FOXP2: variants seen among roughly 807,000 people sequenced by gnomAD.
FOXP2 encodes forkhead box protein P2.
A neutral mutation model predicts 115.8 loss-of-function variants in FOXP2; 12 were observed. That is an observed-to-expected ratio of 0.10 (90% CI 0.07 to 0.17). The LOEUF (loss-of-function observed/expected upper bound fraction) is 0.17. Ranked by LOEUF, FOXP2 falls within the 10% of genes least tolerant of loss-of-function variation. The pLI is 1.00. For synonymous variants in FOXP2, 328 were observed against 297.7 expected (o/e 1.10, Z -1.05); for missense variants, 629 against 843.5 (o/e 0.75, Z 3.15).
intron 1 of FOXP2, among the ~76,000 whole-genome samples, chr7:114,093,630 C>CA (rs1562961812): frequency 6.9e-6 from 1 of 144,656 alleles, no homozygotes; most frequent in African/African-American, 2.5e-5. Flanking sequence ...TTACTTTTTA[C>CA]TTTTTTTTTT....
At chr7:114,599,965 G>A (rs1563025647) in intron 3 of FOXP2, among the ~76,000 whole-genome samples, 2 of 152,054 alleles carry the variant, frequency 1.3e-5, no homozygotes, top group African/African-American at 4.8e-5. Context: ...AGTTTCCCCT[G>A]TTACTGGCAT....
intron 1 of FOXP2, among the ~76,000 whole-genome samples, chr7:114,146,034 G>T (rs1033634485): frequency 1.3e-5 from 2 of 152,078 alleles, no homozygotes; most frequent in African/African-American, 4.8e-5. Context: ...AGAGTGGTGG[G>T]TTTCATTTGC....
intron 1 of FOXP2, among the ~76,000 whole-genome samples, chr7:114,240,756 T>C (rs1265737930): frequency 6.6e-6 from 1 of 152,118 alleles, no homozygotes; most frequent in Non-Finnish European, 1.5e-5. Flanking sequence ...ATCACTTTTA[T>C]CTTATTCATT....
intron 4 of FOXP2, 95 bp downstream of exon 4, chr7:114,628,772 C>A: frequency 6.8e-7 from 1 of 1,478,168 alleles, no homozygotes; most frequent in Non-Finnish European, 9.4e-7. Context: ...ATTCAGTCTC[C>A]ATTTGAAAGG....
At chr7:114,367,857 T>C (rs946859156) in intron 2 of FOXP2, among the ~76,000 whole-genome samples, 2 of 152,218 alleles carry the variant, frequency 1.3e-5, no homozygotes, top group Non-Finnish European at 2.9e-5. Flanking sequence ...TAATTCATTT[T>C]CCATTTTTAT....
intron 2 of FOXP2, among the ~76,000 whole-genome samples, chr7:114,329,840 C>A (rs1323152513): frequency 6.6e-6 from 1 of 151,836 alleles, no homozygotes; most frequent in African/African-American, 2.4e-5. Context: ...CCATACCTGG[C>A]TAATTTTTGT....
At chr7:114,542,798 T>G (rs991702428) in intron 3 of FOXP2, among the ~76,000 whole-genome samples, 14 of 151,280 alleles carry the variant, frequency 9.3e-5, no homozygotes, top group Non-Finnish European at 1.8e-4. Flanking sequence ...TTTTTTGTTT[T>G]TTTTTTTTTT....
At chr7:114,540,481 A>G (rs1799600344) in intron 3 of FOXP2, among the ~76,000 whole-genome samples, 1 of 152,088 alleles carries the variant, frequency 6.6e-6, no homozygotes, top group African/African-American at 2.4e-5. Context: ...TTCATTCAGT[A>G]TAAATTGAGT....
At chr7:114,219,985 G>C (rs1355786920) in intron 1 of FOXP2, among the ~76,000 whole-genome samples, 1 of 151,596 alleles carries the variant, frequency 6.6e-6, no homozygotes, top group Non-Finnish European at 1.5e-5. Flanking sequence ...TCCTGCCTCA[G>C]CCTCCTGAGT....
At chr7:114,355,220 G>C (rs1224534813) in intron 2 of FOXP2, among the ~76,000 whole-genome samples, 2 of 152,098 alleles carry the variant, frequency 1.3e-5, no homozygotes, top group Non-Finnish European at 2.9e-5. Context: ...CATCTAGCTT[G>C]ACCTCTGTGG....
chr7:114,605,851 G>C (rs1379621849), intron 3 of FOXP2, among the ~76,000 whole-genome samples: 1 of 152,142 alleles, frequency 6.6e-6, no homozygotes, highest in African/African-American at 2.4e-5. Context: ...TTAGGATTGA[G>C]AGAGCTTTTT....
At chr7:114,621,884 C>T (rs375175743) in intron 3 of FOXP2, among the ~76,000 whole-genome samples, 22 of 151,982 alleles carry the variant, frequency 1.4e-4, no homozygotes, top group East Asian at 1.4e-3. Flanking sequence ...CTTGGCAAGA[C>T]CTAAACATAA....
At position 114,089,159 on chromosome 7, in the gene FOXP2, T is replaced by C. The variant is rs113171358; in HGVS notation, c.-247+1321T>C. On this transcript the variant is annotated intron_variant, in intron 1 of 19. Coordinates refer to the FOXP2 transcript ENST00000635638. ...CTTCCTTACGACACACACTATTTCATTGTTATCTAAAATTAAGTGAAATAA... is the reference window on the plus strand; with the variant it reads ...CTTCCTTACGACACACACTATTTCACTGTTATCTAAAATTAAGTGAAATAA... 2.6e-5 allele frequency among the ~76,000 whole-genome samples: 4 copies of C among 152,166 alleles called. No individual in the cohort carries two copies. In the East Asian group the frequency reaches 7.7e-4, roughly 29 times the overall value.
At chr7:114,628,465 T>C in intron 3 of FOXP2, 75 bp from the exon 4 acceptor site, 1 of 1,568,782 alleles carries the variant, frequency 6.4e-7, no homozygotes, top group African/African-American at 1.3e-5. Context: ...AAAGATAACA[T>C]ACTATTTGTG....
chr7:114,646,878 C>A (rs1563057389), intron 8 of FOXP2, among the ~76,000 whole-genome samples: 2 of 151,938 alleles, frequency 1.3e-5, no homozygotes, highest in African/African-American at 4.8e-5. Flanking sequence ...AGAAGGAAAG[C>A]ATAATCACTT....
chr7:114,430,302 A>G (rs1435545472), intron 2 of FOXP2, among the ~76,000 whole-genome samples: 1 of 151,794 alleles, frequency 6.6e-6, no homozygotes, highest in Non-Finnish European at 1.5e-5. Flanking sequence ...CGCACTTTTC[A>G]AATGAAATAC....
At chr7:114,185,862 A>G (rs778781362) in intron 1 of FOXP2, among the ~76,000 whole-genome samples, 11 of 152,204 alleles carry the variant, frequency 7.2e-5, no homozygotes, top group Non-Finnish European at 1.3e-4. Context: ...TTTACCACTA[A>G]CTGGGTAATT....
chr7:114,275,629 A>G (rs1796168362), intron 1 of FOXP2, among the ~76,000 whole-genome samples: 2 of 152,200 alleles, frequency 1.3e-5, no homozygotes, highest in African/African-American at 4.8e-5. Flanking sequence ...CACATTAACC[A>G]TAGTTTTCAT....
chr7:114,634,921 A>G (rs1308241934), intron 6 of FOXP2, among the ~76,000 whole-genome samples: 1 of 152,156 alleles, frequency 6.6e-6, no homozygotes, highest in East Asian at 1.9e-4. Flanking sequence ...ATAGGAATAC[A>G]TGTGGTGATG....
Sources: allele counts gnomAD v4.1 joint callset (sites outside exome capture counted in the v4.1 genomes callset), GRCh38; gene constraint gnomAD v4.1.1; transcripts MANE v1.5; gene names NCBI Gene and HGNC (gene_info 2026-07-23, HGNC 2026-07-21).